TAS2R1: variants seen among roughly 807,000 people sequenced by gnomAD.
TAS2R1 encodes the protein taste receptor type 2 member 1.
For missense variants in TAS2R1, 370 were observed against 353.4 expected, an observed-to-expected ratio of 1.05 and a Z score of -0.38; for synonymous variants, 141 against 134.2, an observed-to-expected ratio of 1.05 and a Z score of -0.35.
At chr5:9,833,589 C>T in the TAS2R1 span, among the ~76,000 whole-genome samples, 2 of 151,990 alleles carry the variant, frequency 1.3e-5, no homozygotes, top group African/African-American at 4.8e-5. Context: ...TAAAAAGGGA[C>T]ACATTGATGG....
chr5:9,642,194 T>C (rs551757125), intron 2 of TAS2R1, among the ~76,000 whole-genome samples: 1 of 152,356 alleles, frequency 6.6e-6, no homozygotes, highest in South Asian at 2.1e-4. Flanking sequence ...TGTTCATCTT[T>C]CTGCTTTCCG....
the TAS2R1 span, among the ~76,000 whole-genome samples, chr5:9,799,371 TGAG>T: frequency 1.3e-5 from 2 of 152,176 alleles, no homozygotes; most frequent in South Asian, 2.1e-4. Context: ...CTTAGCAAGG[TGAG>T]GAGATTTAGC....
chr5:9,859,722 T>C, the TAS2R1 span, among the ~76,000 whole-genome samples: 1 of 152,164 alleles, frequency 6.6e-6, no homozygotes, highest in African/African-American at 2.4e-5. Context: ...CAGAATTGAA[T>C]ATATTACTCC....
chr5:9,837,096 C>T, the TAS2R1 span, among the ~76,000 whole-genome samples: 1 of 152,144 alleles, frequency 6.6e-6, no homozygotes, highest in African/African-American at 2.4e-5. Context: ...CAGAACTTCC[C>T]TGGAATACTG....
At chr5:9,645,329 A>G (rs1740166154) in intron 2 of TAS2R1, among the ~76,000 whole-genome samples, 1 of 152,208 alleles carries the variant, frequency 6.6e-6, no homozygotes, top group South Asian at 2.1e-4. Context: ...AAAAAGCAGC[A>G]TTTCCAAGTT....
chr5:9,802,561 G>C, the TAS2R1 span, among the ~76,000 whole-genome samples: 1 of 152,068 alleles, frequency 6.6e-6, no homozygotes, highest in East Asian at 1.9e-4. Context: ...AAGATCTATG[G>C]ATCCAAACCA....
At chr5:9,792,598 C>T in the TAS2R1 span, among the ~76,000 whole-genome samples, 1 of 152,174 alleles carries the variant, frequency 6.6e-6, no homozygotes, top group East Asian at 1.9e-4. Context: ...AGTGTGAATG[C>T]TGGTGATCCC....
intron 1 of TAS2R1, among the ~76,000 whole-genome samples, chr5:9,701,221 GACACACACACACACACACACACAC>G (rs34248017): frequency 1.0e-4 from 14 of 135,868 alleles, no homozygotes; most frequent in Admixed American, 3.0e-4. Context: ...CAGACACGCA[GACACACACACACACACACACACAC>G]ACACACACAC....
intron 2 of TAS2R1, among the ~76,000 whole-genome samples, chr5:9,653,807 C>T (rs979014499): frequency 1.3e-5 from 2 of 152,114 alleles, no homozygotes; most frequent in Non-Finnish European, 2.9e-5. Context: ...AAACTAAGAG[C>T]TATTCCCAAA....
At position 9,629,736 on chromosome 5, in the gene TAS2R1, G is replaced by A. The variant is rs73743124; in HGVS notation, c.297C>T (p.Leu99=). 2.6e-4 allele frequency: 426 copies of A among 1,613,934 alleles called. 1 individual carries two copies. The African/African-American group carries it at 4.7e-3, about 18-fold the overall frequency. The change falls in exon 1 of 1, where the codon CTC becomes CTT. Residue 99 remains leucine, a synonymous_variant. Transcript: ENST00000382492. ...NELELWLATW[L]GVFYCAKVAS... is the part of the protein sequence containing the mutation. ...CAACCTTGGCACAATAGAAAACGCCGAGCCATGTGGCAAGCCAAAGTTCCA... is the reference window on the plus strand; with the variant it reads ...CAACCTTGGCACAATAGAAAACGCCAAGCCATGTGGCAAGCCAAAGTTCCA...
At chr5:9,761,367 A>T in the TAS2R1 span, among the ~76,000 whole-genome samples, 1 of 152,092 alleles carries the variant, frequency 6.6e-6, no homozygotes, top group African/African-American at 2.4e-5. Flanking sequence ...TTAAAGGTCA[A>T]ATAGCCTAAC....
the TAS2R1 span, among the ~76,000 whole-genome samples, chr5:9,887,743 C>G: frequency 3.3e-5 from 5 of 152,270 alleles, no homozygotes; most frequent in South Asian, 4.1e-4. Context: ...CAGGGAGAAA[C>G]AGACATGTCA....
the TAS2R1 span, among the ~76,000 whole-genome samples, chr5:9,824,927 T>G: frequency 6.6e-6 from 1 of 151,518 alleles, no homozygotes; most frequent in Admixed American, 6.6e-5. Context: ...CCTGGAGTTA[T>G]GCAAACATGG....
chr5:9,671,135 C>T, intron 1 of TAS2R1, among the ~76,000 whole-genome samples: 1 of 152,138 alleles, frequency 6.6e-6, no homozygotes, highest in South Asian at 2.1e-4. Flanking sequence ...ATTGAAGGAA[C>T]ATACTTCAAA....
chr5:9,794,411 C>T, the TAS2R1 span, among the ~76,000 whole-genome samples: 6 of 152,006 alleles, frequency 3.9e-5, no homozygotes, highest in Admixed American at 3.3e-4. Flanking sequence ...TTTTTAAATG[C>T]TTATGGGAAT....
chr5:9,866,438 C>T, the TAS2R1 span, among the ~76,000 whole-genome samples: 1 of 152,186 alleles, frequency 6.6e-6, no homozygotes, highest in Non-Finnish European at 1.5e-5. Context: ...TCAAACACAA[C>T]ATTGTCAAAT....
At chr5:9,682,526 C>T (rs1277626347) in intron 1 of TAS2R1, among the ~76,000 whole-genome samples, 1 of 152,064 alleles carries the variant, frequency 6.6e-6, no homozygotes, top group Non-Finnish European at 1.5e-5. Context: ...TTCTGTGTGA[C>T]CCTGATGAAG....
At chr5:9,842,211 G>A in the TAS2R1 span, among the ~76,000 whole-genome samples, 1 of 151,054 alleles carries the variant, frequency 6.6e-6, no homozygotes, top group African/African-American at 2.4e-5. Context: ...ATTTTTTATT[G>A]AAAGTCAGAC....
chr5:9,824,483 A>G, the TAS2R1 span, among the ~76,000 whole-genome samples: 2 of 152,178 alleles, frequency 1.3e-5, no homozygotes, highest in Non-Finnish European at 2.9e-5. Context: ...TAAACTGGAA[A>G]TGAGGCCTAA....
Sources: allele counts gnomAD v4.1 joint callset (sites outside exome capture counted in the v4.1 genomes callset), GRCh38; gene constraint gnomAD v4.1.1; transcripts MANE v1.5; gene names NCBI Gene and HGNC (gene_info 2026-07-23, HGNC 2026-07-21).